The following FNTA variants were observed in gnomAD, a reference collection of about 807,000 sequenced individuals.
The protein encoded by FNTA is protein farnesyltransferase/geranylgeranyltransferase type-1 subunit alpha.
FNTA carries 27 observed loss-of-function variants against 55.2 expected under a neutral mutation model. The ratio of observed to expected loss-of-function variants is 0.49; its 90% CI spans 0.36 to 0.67. The LOEUF (loss-of-function observed/expected upper bound fraction) is 0.67. Among genes scored for constraint, FNTA ranks in the 30% least tolerant of loss-of-function variants. The probability of loss-of-function intolerance (pLI) is 0.00; values close to 1 mark genes in which losing one functional copy is unlikely to be tolerated. For missense variants in FNTA, 422 were observed against 464.7 expected (o/e 0.91, Z 0.85); for synonymous variants, 176 against 170.7 (o/e 1.03, Z -0.24).
At position 43,077,190 on chromosome 8, in the gene FNTA, A is replaced by G. The variant is rs375203493; in HGVS notation, c.634-26A>G. 1.6e-5 allele frequency: 24 copies of G among 1,510,660 alleles called. No homozygotes were observed. The African/African-American group carries it at 2.9e-4, about 18-fold the overall frequency. The allele number at this position is 1,510,660 out of a possible 1,614,324, so 93.6% of individuals were successfully genotyped here. On this transcript the variant is annotated intron_variant, in intron 5 of 8. Transcript: ENST00000302279. ...TAAATAATGGGACATTTCTAATTGG[A>G]TGATTTTTCTAAATTTTTCCTTTAG...
intron 3 of FNTA, among the ~76,000 whole-genome samples, chr8:43,068,820 C>T (rs1263017534): frequency 6.6e-6 from 1 of 152,182 alleles, no homozygotes; most frequent in African/African-American, 2.4e-5. Context: ...TCAAGTGATT[C>T]TCCTGCCTCA....
At chr8:43,063,972 T>A (rs753682502) in intron 2 of FNTA, 129 bp from the exon 3 acceptor site, 9 of 643,212 alleles carry the variant, frequency 1.4e-5, no homozygotes, top group African/African-American at 5.5e-5. Context: ...GCCATTTGAC[T>A]TTATTTTGCT....
At chr8:43,057,251 T>A (rs141649946) in intron 1 of FNTA, 1 of 152,366 alleles carries the variant, frequency 6.6e-6, no homozygotes, top group East Asian at 1.9e-4. Context: ...TGTTGATTCC[T>A]AATTCCCTGT....
rs536925174 is a variant in FNTA, at chr8:43,056,364, G to T, written c.18G>T (p.Gly6=). The T allele has an allele frequency of 6.7e-3, 9,771 of 1,451,088 alleles. 46 individuals are homozygous for T. Among genetic ancestry groups the T allele is most frequent in the Non-Finnish European group, 8.2e-3 (9,052 of 1,106,438 alleles). 89.9% of individuals were successfully genotyped at this position (1,451,088 alleles called of 1,614,324 possible). A position where few individuals can be genotyped will look rare whatever the true frequency, so the allele number is the denominator to read the frequency against. The change falls in exon 1 of 9, where the codon GGG becomes GGT. Residue 6 remains glycine, a synonymous_variant. Transcript: ENST00000302279. ...GAGGCGAGATGGCGGCCACCGAGGG[G>T]GTCGGGGAGGCTGCGCAAGGGGGCG... MAATE[G]VGEAAQGGEP...
intron 2 of FNTA, among the ~76,000 whole-genome samples, chr8:43,061,294 A>G (rs558773380): frequency 2.6e-5 from 4 of 152,246 alleles, no homozygotes; most frequent in Non-Finnish European, 5.9e-5. Context: ...GGTTAAAAGC[A>G]CAGACTTTGG....
At position 43,068,692 on chromosome 8, in the gene FNTA, A is replaced by G. The variant is rs181528103; in HGVS notation, c.402-863A>G. Among the ~76,000 whole-genome samples the G allele has an allele frequency of 2.2e-4, 33 of 152,276 alleles. 1 individual carries two copies. The highest frequency in any genetic ancestry group is 7.0e-4 in the African/African-American group (29 of 41,566). On this transcript the variant is annotated intron_variant, in intron 3 of 8. Transcript: ENST00000302279. The stretch of plus-strand genomic sequence containing the variant: ...AGAATCAGAAATTTACTTTTCTTCT[A>G]TCTCATACTTGTTACCTTTCACTAT...
Position 43,085,485 on chromosome 8 carries a change from C to A in FNTA, c.*203C>A. 1 of 539,866 alleles carries A rather than the reference C, an allele frequency of 1.9e-6. No homozygotes were observed. Among genetic ancestry groups the A allele is most frequent in the Non-Finnish European group, 3.3e-6 (1 of 306,852 alleles). The allele number at this position is 539,866 out of a possible 1,614,324, so 33.4% of individuals were successfully genotyped here. On this transcript the variant is annotated 3_prime_UTR_variant, in exon 9 of 9. Coordinates refer to ENST00000302279, the MANE Select transcript of FNTA (RefSeq NM_002027.3). ...TAATGTGATTCTTCTAAAGCAAAGT[C>A]ATTGGATGGGAGGAGGAAGAAAAAG...
intron 7 of FNTA, 58 bp from the exon 8 acceptor site, chr8:43,084,652 T>TA (rs1208232604): frequency 7.4e-7 from 1 of 1,357,468 alleles, no homozygotes; most frequent in African/African-American, 1.5e-5. Context: ...TTGATCTTTC[T>TA]ACTGCTTTTG....
intron 3 of FNTA, among the ~76,000 whole-genome samples, chr8:43,065,545 C>CCTGAATATTCTTTT (rs1563326682): frequency 2.0e-5 from 3 of 151,738 alleles, no homozygotes; most frequent in Admixed American, 6.5e-5. Flanking sequence ...CTGTGCACGG[C>CCTGAATATTCTTTT]TGCTGACCCA....
chr8:43,085,236 G>A lies in FNTA; in HGVS notation c.1094G>A (p.Ser365Asn), dbSNP rs758067378. Residue 365 changes from serine (S) to asparagine (N), a missense_variant, in exon 9 of 9, where the codon AGC becomes AAC. Transcript: ENST00000302279. The stretch of plus-strand genomic sequence containing the variant: ...AGATACATTGGAAGATCCCTTCAAA[G>A]CAAACACAGCACAGAAAATGACTCA... ...YWRYIGRSLQ[S>N]KHSTENDSPT... The A allele has an allele frequency of 1.9e-6, 3 of 1,609,012 alleles. No individual in the cohort carries two copies. Among genetic ancestry groups the A allele is most frequent in the Admixed American group, 1.7e-5 (1 of 59,276 alleles).
chr8:43,069,835 G>T (rs895217195), intron 4 of FNTA, among the ~76,000 whole-genome samples, 176 bp downstream of exon 4: 58 of 151,866 alleles, frequency 3.8e-4, no homozygotes, highest in African/African-American at 1.3e-3. Context: ...GTAGAGACGG[G>T]GTTTTGCCAT....
chr8:43,073,887 A>G (rs1431325333), intron 5 of FNTA, among the ~76,000 whole-genome samples: 5 of 152,190 alleles, frequency 3.3e-5, no homozygotes, highest in African/African-American at 4.8e-5. Flanking sequence ...ACTGTGGTCT[A>G]TTTCTATATG....
At chr8:43,065,627 C>T (rs1320751393) in intron 3 of FNTA, among the ~76,000 whole-genome samples, 12 of 151,320 alleles carry the variant, frequency 7.9e-5, no homozygotes, top group Non-Finnish European at 1.5e-4. Context: ...GGTAATTTGT[C>T]GTCCAGATGC....
Position 43,084,864 on chromosome 8 carries a change from C to G in FNTA, c.1000C>G (p.Leu334Val). The G allele has an allele frequency of 1.2e-6, 2 of 1,613,616 alleles. No homozygotes were observed. The highest frequency in any genetic ancestry group is 1.7e-6 in the Non-Finnish European group (2 of 1,179,876). Residue 334 changes from leucine (L) to valine (V), a missense_variant, in exon 8 of 9, where the codon CTT becomes GTT. Physicochemically the swap from Leu to Val is conservative, Grantham distance 32 (BLOSUM62 1). Transcript: ENST00000302279. Reference sequence around the variant, plus strand: ...TCAGTGTGACAATAAGGAAGACATTCTTAATAAAGCATTAGAGGTAAGCTG... The same window carrying G: ...TCAGTGTGACAATAAGGAAGACATTGTTAATAAAGCATTAGAGGTAAGCTG... ...ENQCDNKEDI[L>V]NKALELCEIL... is the part of the protein sequence containing the mutation.
At chr8:43,079,731 G>C (rs1049449592) in intron 6 of FNTA, 1 of 152,222 alleles carries the variant, frequency 6.6e-6, no homozygotes, top group Admixed American at 6.5e-5. Context: ...CATAGATAGT[G>C]ATTCCTCCAA....
At chr8:43,060,834 G>A (rs1444618015) in intron 2 of FNTA, among the ~76,000 whole-genome samples, 1 of 152,072 alleles carries the variant, frequency 6.6e-6, no homozygotes, top group East Asian at 1.9e-4. Context: ...TAAAAAGCAA[G>A]CAGCAGTGTG....
At chr8:43,069,408 C>A in intron 3 of FNTA, 147 bp from the exon 4 acceptor site, 1 of 557,762 alleles carries the variant, frequency 1.8e-6, no homozygotes, top group Non-Finnish European at 3.2e-6. Context: ...GCATGAGCCA[C>A]CGTGCTTGGC....
chr8:43,069,053 T>C (rs568286195), intron 3 of FNTA, among the ~76,000 whole-genome samples: 3 of 152,110 alleles, frequency 2.0e-5, no homozygotes, highest in Admixed American at 6.5e-5. Flanking sequence ...TTTCTTCCAG[T>C]CACCAGATAG....
At position 43,077,322 on chromosome 8, in the gene FNTA, C is replaced by T. The variant is rs929751707; in HGVS notation, c.740C>T (p.Thr247Ile). The change falls in exon 6 of 9, where the codon ACC becomes ATC. Residue 247 changes from threonine to isoleucine, a missense_variant. Physicochemically the swap from Thr to Ile is moderately conservative, Grantham distance 89. Transcript: ENST00000302279. Reference sequence around the variant, plus strand: ...CAAAGATACTTCGTTATTTCTAACACCACTGGCTACAATGATCGTGCTGTA... The same window carrying T: ...CAAAGATACTTCGTTATTTCTAACATCACTGGCTACAATGATCGTGCTGTA... ...WNQRYFVISN[T>I]TGYNDRAVLE... 1 of 1,612,952 alleles carries T rather than the reference C, an allele frequency of 6.2e-7. No homozygotes were observed. Among genetic ancestry groups the T allele is most frequent in the Non-Finnish European group, 8.5e-7 (1 of 1,179,264 alleles).
Sources: gnomAD v4.1 joint callset for allele counts (sites outside exome capture counted in the v4.1 genomes callset) on GRCh38, gnomAD v4.1.1 for gene constraint, MANE v1.5 for transcripts, NCBI Gene and HGNC (gene_info 2026-07-23, HGNC 2026-07-21) for gene names.